The following PPFIA2 variants were observed in gnomAD, a reference collection of about 807,000 sequenced individuals.
The protein encoded by PPFIA2 is PPFI scaffold protein A2, also known as liprin-alpha-2.
PPFIA2 carries 46 observed loss-of-function variants against 175.5 expected under a neutral mutation model. That is an observed-to-expected ratio of 0.26 (90% CI 0.21 to 0.34). PPFIA2 has a LOEUF of 0.34. PPFIA2 is among the 10% of genes least tolerant of loss of function. PPFIA2 has a pLI of 1.00. For synonymous variants in PPFIA2, 568 were observed against 511.4 expected (o/e 1.11, Z -1.49); for missense variants, 1,179 against 1,506.1 (o/e 0.78, Z 3.60).
At chr12:81,745,411 A>C (rs1472416204) in intron 3 of PPFIA2, among the ~76,000 whole-genome samples, 1 of 152,146 alleles carries the variant, frequency 6.6e-6, no homozygotes, top group African/African-American at 2.4e-5. Flanking sequence ...CTTGGAGGGG[A>C]AAGACCACAG....
intron 7 of PPFIA2, among the ~76,000 whole-genome samples, chr12:81,421,899 G>T (rs1264112762): frequency 1.3e-5 from 2 of 151,780 alleles, no homozygotes; most frequent in African/African-American, 2.4e-5. Context: ...AAAGCTAGGG[G>T]TAGTTATGCT....
intron 3 of PPFIA2, among the ~76,000 whole-genome samples, chr12:81,681,176 T>G (rs115494979): frequency 1.3e-5 from 2 of 151,982 alleles, no homozygotes; most frequent in Non-Finnish European, 2.9e-5. Context: ...GTATCCTCAA[T>G]CATATGAATT....
intron 4 of PPFIA2, among the ~76,000 whole-genome samples, chr12:81,520,798 C>T (rs1013185993): frequency 6.6e-6 from 1 of 152,058 alleles, no homozygotes; most frequent in Non-Finnish European, 1.5e-5. Context: ...ATTCTAGGAG[C>T]CAGGGTGCTG....
chr12:81,607,678 A>G (rs1450594034), intron 4 of PPFIA2, among the ~76,000 whole-genome samples: 1 of 152,126 alleles, frequency 6.6e-6, no homozygotes, highest in African/African-American at 2.4e-5. Flanking sequence ...GTCACTTATC[A>G]TTTCTAGTAG....
At chr12:81,452,125 C>A (rs2052705157) in intron 5 of PPFIA2, among the ~76,000 whole-genome samples, 3 of 152,232 alleles carry the variant, frequency 2.0e-5, no homozygotes, top group Non-Finnish European at 4.4e-5. Flanking sequence ...CACACACCCA[C>A]ACAAACCCAC....
At chr12:81,493,082 T>A (rs1323091038) in intron 4 of PPFIA2, among the ~76,000 whole-genome samples, 1 of 151,860 alleles carries the variant, frequency 6.6e-6, no homozygotes, top group Non-Finnish European at 1.5e-5. Flanking sequence ...GAAGAGAGAT[T>A]GGAAAAATTA....
chr12:81,464,884 G>GAA (rs11422177), intron 4 of PPFIA2, among the ~76,000 whole-genome samples: 17,415 of 145,334 alleles, frequency 0.12, 1,131 homozygotes, highest in Middle Eastern at 0.17. Context: ...AATAGAGCTG[G>GAA]AAAAAAAAAA....
intron 4 of PPFIA2, among the ~76,000 whole-genome samples, chr12:81,564,269 A>G: frequency 6.9e-6 from 1 of 145,826 alleles, no homozygotes; most frequent in East Asian, 2.0e-4. Context: ...ACAGAACTAT[A>G]GATTTTTCAA....
intron 28 of PPFIA2, among the ~76,000 whole-genome samples, chr12:81,276,050 C>G (rs1026687440): frequency 6.6e-6 from 1 of 152,158 alleles, no homozygotes; most frequent in African/African-American, 2.4e-5. Flanking sequence ...TCCCAAAGTG[C>G]TGCGATTACA....
At chr12:81,554,227 TAGGAC>T (rs1261554886) in intron 4 of PPFIA2, among the ~76,000 whole-genome samples, 1 of 152,006 alleles carries the variant, frequency 6.6e-6, no homozygotes, top group Non-Finnish European at 1.5e-5. Context: ...ATAAAATTTG[TAGGAC>T]TTGATCAGTT....
At chr12:81,497,826 A>C (rs1054639195) in intron 4 of PPFIA2, among the ~76,000 whole-genome samples, 3 of 152,170 alleles carry the variant, frequency 2.0e-5, no homozygotes, top group African/African-American at 7.2e-5. Context: ...GGCATGAGCC[A>C]CCACACCTGA....
intron 4 of PPFIA2, chr12:81,598,408 G>T: frequency 9.7e-7 from 1 of 1,026,074 alleles, no homozygotes; most frequent in Non-Finnish European, 1.2e-6. Flanking sequence ...GTCTAGCAGA[G>T]TGATTATGCT....
intron 22 of PPFIA2, among the ~76,000 whole-genome samples, chr12:81,308,050 A>G (rs1298673365): frequency 6.6e-6 from 1 of 152,200 alleles, no homozygotes; most frequent in African/African-American, 2.4e-5. Flanking sequence ...TATCTATTAT[A>G]CTTGTACTTA....
chr12:81,439,460 C>A (rs2049746749), intron 7 of PPFIA2, among the ~76,000 whole-genome samples: 1 of 151,858 alleles, frequency 6.6e-6, no homozygotes. Flanking sequence ...TAAAATAACT[C>A]TTTAAATCTT....
chr12:81,717,609 T>C (rs1036306051), intron 3 of PPFIA2, among the ~76,000 whole-genome samples: 2 of 151,654 alleles, frequency 1.3e-5, no homozygotes, highest in Admixed American at 6.6e-5. Context: ...CTAAAATAGT[T>C]AGGGCCTTCA....
intron 3 of PPFIA2, among the ~76,000 whole-genome samples, chr12:81,745,945 A>ATGGATCTGTGCATTAATAAGTTAG (rs1410301925): frequency 1.4e-5 from 2 of 146,518 alleles, no homozygotes; most frequent in South Asian, 2.2e-4. Context: ...ACAACAAACA[A>ATGGATCTGTGCATTAATAAGTTAG]ACAGCTTTCC....
At chr12:81,573,064 C>T (rs551230432) in intron 4 of PPFIA2, among the ~76,000 whole-genome samples, 47 of 151,934 alleles carry the variant, frequency 3.1e-4, no homozygotes, top group Non-Finnish European at 4.3e-4. Flanking sequence ...GGAACTAATA[C>T]AGCTTCATTG....
chr12:81,670,458 A>G (rs151183461), intron 4 of PPFIA2, among the ~76,000 whole-genome samples: 1 of 152,040 alleles, frequency 6.6e-6, no homozygotes, highest in East Asian at 1.9e-4. Flanking sequence ...TCTGGAATTT[A>G]CTAGTACCTG....
intron 4 of PPFIA2, among the ~76,000 whole-genome samples, chr12:81,559,457 G>A (rs948251100): frequency 3.9e-5 from 6 of 152,180 alleles, no homozygotes; most frequent in African/African-American, 1.4e-4. Flanking sequence ...TATTCTATTG[G>A]GAGAAAAATA....
Sources: allele counts gnomAD v4.1 joint callset (sites outside exome capture counted in the v4.1 genomes callset), GRCh38; gene constraint gnomAD v4.1.1; transcripts MANE v1.5; gene names NCBI Gene and HGNC (gene_info 2026-07-23, HGNC 2026-07-21).